Variants in CPNE8 observed in about 807,000 individuals in gnomAD.
CPNE8 encodes the protein copine-8.
A neutral mutation model predicts 81.5 loss-of-function variants in CPNE8; 45 were observed. The observed-to-expected ratio is 0.55, with a 90% CI of 0.44 to 0.71. The LOEUF (loss-of-function observed/expected upper bound fraction) is 0.71. CPNE8 is among the 30% of genes least tolerant of loss of function. The pLI, the probability that CPNE8 is intolerant of heterozygous loss-of-function variation, is 0.00. For missense variants in CPNE8, 594 were observed against 672.1 expected (o/e 0.88, Z 1.28); for synonymous variants, 252 against 226.3 (o/e 1.11, Z -1.02).
intron 1 of CPNE8, among the ~76,000 whole-genome samples, chr12:38,895,308 C>T (rs1565666948): frequency 1.3e-5 from 2 of 152,014 alleles, no homozygotes; most frequent in South Asian, 2.1e-4. Flanking sequence ...ACGGTGACTT[C>T]CCCAGTGCTA....
At chr12:38,690,933 T>G (rs1939661333) in intron 15 of CPNE8, among the ~76,000 whole-genome samples, 1 of 152,128 alleles carries the variant, frequency 6.6e-6, no homozygotes, top group Non-Finnish European at 1.5e-5. Context: ...TTTATGACAC[T>G]GGGAGTGTGG....
rs57044387 is a variant in CPNE8 at position 38,717,429 on chromosome 12, GTATATATATATATATATA to G, written c.914+6325_914+6342del. On this transcript the variant is annotated intron_variant, in intron 13 of 19. Transcript: ENST00000331366. ...AACAAGTAAACAAAGAAAGTGTGGT[GTATATATATATATATATA>G]TATATATATATACACCATGGAATAC... is the stretch of plus-strand genomic sequence containing the variant. 4.3e-4 allele frequency among the ~76,000 whole-genome samples: 37 copies of G among 87,036 alleles called. 2 individuals are homozygous for G. The highest frequency in any genetic ancestry group is 1.6e-3 in the African/African-American group (35 of 21,666). 57.1% of individuals were successfully genotyped at this position (87,036 alleles called of 152,430 possible). A position where few individuals can be genotyped will look rare whatever the true frequency, so the allele number is the denominator to read the frequency against.
chr12:38,847,268 G>T (rs968990513), intron 4 of CPNE8, among the ~76,000 whole-genome samples: 1 of 152,140 alleles, frequency 6.6e-6, no homozygotes, highest in African/African-American at 2.4e-5. Context: ...AAAGAATCAT[G>T]AAATAGAGGC....
chr12:38,900,459 T>C (rs1455072923), intron 1 of CPNE8, among the ~76,000 whole-genome samples: 1 of 152,190 alleles, frequency 6.6e-6, no homozygotes, highest in East Asian at 1.9e-4. Context: ...AAGCTCAGAA[T>C]ATAGTACATG....
intron 10 of CPNE8, among the ~76,000 whole-genome samples, chr12:38,750,578 T>G (rs1941336117): frequency 6.6e-6 from 1 of 152,220 alleles, no homozygotes; most frequent in African/African-American, 2.4e-5. Flanking sequence ...TTTTGGAGTT[T>G]TAAGATTTGA....
At chr12:38,704,832 A>ATATGTG (rs201716600) in intron 13 of CPNE8, among the ~76,000 whole-genome samples, 9,131 of 74,024 alleles carry the variant, frequency 0.12, 1,551 homozygotes, top group Non-Finnish European at 0.22. Context: ...ATGTGTATAT[A>ATATGTG]TATATATATA....
chr12:38,872,919 G>T, intron 3 of CPNE8, 85 bp downstream of exon 3: 1 of 786,206 alleles, frequency 1.3e-6, no homozygotes, highest in Non-Finnish European at 2.1e-6. Flanking sequence ...ACTTACAATG[G>T]AAAATAGAAA....
chr12:38,797,440 G>A (rs1344829132), intron 6 of CPNE8, among the ~76,000 whole-genome samples: 1 of 152,174 alleles, frequency 6.6e-6, no homozygotes, highest in Non-Finnish European at 1.5e-5. Context: ...GGCAAACAGG[G>A]TCTGGAGTGG....
At chr12:38,854,789 A>G (rs1306934453) in intron 3 of CPNE8, among the ~76,000 whole-genome samples, 1 of 152,156 alleles carries the variant, frequency 6.6e-6, no homozygotes, top group East Asian at 1.9e-4. Context: ...AAAGACATAT[A>G]TGAAAAGCCC....
chr12:38,808,096 G>A (rs888895395), intron 6 of CPNE8, among the ~76,000 whole-genome samples: 10 of 151,948 alleles, frequency 6.6e-5, no homozygotes, highest in African/African-American at 2.2e-4. Flanking sequence ...TAAAAAGTCA[G>A]GAAACAACAG....
chr12:38,712,042 C>T (rs1434893285), intron 13 of CPNE8, among the ~76,000 whole-genome samples: 1 of 151,940 alleles, frequency 6.6e-6, no homozygotes, highest in Non-Finnish European at 1.5e-5. Flanking sequence ...AATGAAAGTA[C>T]TTGGGTGCCA....
chr12:38,760,435 G>GTGTATATATATATATATATATATATA (rs1555154496), intron 10 of CPNE8, among the ~76,000 whole-genome samples: 14 of 127,274 alleles, frequency 1.1e-4, no homozygotes, highest in African/African-American at 4.5e-4. Flanking sequence ...TGTATGGTGT[G>GTGTATATATATATATATATATATATA]TATATATATA....
At chr12:38,736,730 A>G (rs1940962263) in intron 10 of CPNE8, among the ~76,000 whole-genome samples, 2 of 152,052 alleles carry the variant, frequency 1.3e-5, no homozygotes, top group South Asian at 4.1e-4. Context: ...TTCAAATTAA[A>G]ATTTGCCTAC....
Position 38,748,044 on chromosome 12 carries a change from T to C in CPNE8, c.722+12803A>G, listed in dbSNP as rs184287897. 3.2e-3 allele frequency among the ~76,000 whole-genome samples: 494 copies of C among 152,250 alleles called. 3 individuals are homozygous for C. The highest frequency in any genetic ancestry group is 0.011 in the African/African-American group (477 of 41,546). Reference sequence around the variant, plus strand: ...TTTTTTTTATTTGAGACAGTCTCACTCTGTCGCTCAGGCTGGAGTGCAATG... The same window carrying C: ...TTTTTTTTATTTGAGACAGTCTCACCCTGTCGCTCAGGCTGGAGTGCAATG... On this transcript the variant is annotated intron_variant, in intron 10 of 19. Transcript: ENST00000331366.
intron 6 of CPNE8, among the ~76,000 whole-genome samples, chr12:38,807,881 A>G (rs1012206601): frequency 3.3e-5 from 5 of 151,934 alleles, no homozygotes; most frequent in Admixed American, 6.6e-5. Context: ...TCCAGAATCT[A>G]CAATGAACTC....
chr12:38,850,396 C>T (rs940708990), intron 3 of CPNE8, among the ~76,000 whole-genome samples: 3 of 152,160 alleles, frequency 2.0e-5, no homozygotes, highest in African/African-American at 4.8e-5. Context: ...CCAGCAACTC[C>T]CCAGAGCCTA....
intron 10 of CPNE8, among the ~76,000 whole-genome samples, chr12:38,740,820 A>G (rs1235890319): frequency 2.6e-5 from 4 of 152,110 alleles, no homozygotes; most frequent in Non-Finnish European, 4.4e-5. Flanking sequence ...TTTTGCATCG[A>G]TGTTCATCAG....
chr12:38,748,103 C>A (rs1232616775), intron 10 of CPNE8, among the ~76,000 whole-genome samples: 2 of 151,956 alleles, frequency 1.3e-5, no homozygotes, highest in African/African-American at 2.4e-5. Context: ...CTCCGCTTCC[C>A]AGGCTTAAGC....
chr12:38,888,808 G>A (rs559290231), intron 1 of CPNE8, among the ~76,000 whole-genome samples: 9 of 152,116 alleles, frequency 5.9e-5, no homozygotes, highest in Admixed American at 2.6e-4. Context: ...CAATTGCTTC[G>A]CTATGTCTCC....
Sources: allele counts gnomAD v4.1 joint callset (sites outside exome capture counted in the v4.1 genomes callset), GRCh38; gene constraint gnomAD v4.1.1; transcripts MANE v1.5; gene names NCBI Gene and HGNC (gene_info 2026-07-23, HGNC 2026-07-21).